Variants in SHC4 observed in about 807,000 individuals in gnomAD.
The protein encoded by SHC4 is SHC-transforming protein 4.
Under a neutral mutation model 69.4 loss-of-function variants are expected in SHC4, and 41 were observed. The ratio of observed to expected loss-of-function variants is 0.59; its 90% CI spans 0.46 to 0.77. The LOEUF is 0.77. Among genes scored for constraint, SHC4 ranks in the 30% least tolerant of loss-of-function variants. The pLI, the probability that SHC4 is intolerant of heterozygous loss-of-function variation, is 0.00. For missense variants in SHC4, 777 were observed against 783.8 expected (o/e 0.99, Z 0.10); for synonymous variants, 318 against 299.3 (o/e 1.06, Z -0.64).
At chr15:48,897,517 C>A (rs547520378) in intron 2 of SHC4, among the ~76,000 whole-genome samples, 1 of 151,300 alleles carries the variant, frequency 6.6e-6, no homozygotes, top group South Asian at 2.1e-4. Context: ...GCCACACACA[C>A]ACACACACAC....
chr15:48,919,794 C>G (rs1900708997), intron 2 of SHC4, among the ~76,000 whole-genome samples: 1 of 152,134 alleles, frequency 6.6e-6, no homozygotes, highest in Non-Finnish European at 1.5e-5. Flanking sequence ...GACCATCACA[C>G]TCGAGCTTCC....
At position 48,888,602 on chromosome 15, in the gene SHC4, G is replaced by A. The variant is rs142511042; in HGVS notation, c.720+2146C>T. Among the ~76,000 whole-genome samples the A allele has an allele frequency of 1.6e-3, 249 of 152,212 alleles. 1 individual carries two copies. Among genetic ancestry groups the A allele is most frequent in the African/African-American group, 5.7e-3 (235 of 41,530 alleles). On this transcript the variant is annotated intron_variant, in intron 3 of 11. Coordinates refer to ENST00000332408, the MANE Select transcript of SHC4 (RefSeq NM_203349.4). ...CCACTGAACTGTACACTTAAAAAGGGTTAAGATGAGGCTGGGAGTGGTAGC... is the reference window on the plus strand; with the variant it reads ...CCACTGAACTGTACACTTAAAAAGGATTAAGATGAGGCTGGGAGTGGTAGC...
At chr15:48,886,118 G>A (rs774556440) in intron 3 of SHC4, among the ~76,000 whole-genome samples, 19 of 151,436 alleles carry the variant, frequency 1.3e-4, no homozygotes, top group Non-Finnish European at 2.2e-4. Context: ...TTAGCCAGGC[G>A]TGGTGGCGCA....
At chr15:48,868,664 A>G (rs767775862) in intron 5 of SHC4, among the ~76,000 whole-genome samples, 2 of 152,220 alleles carry the variant, frequency 1.3e-5, no homozygotes, top group African/African-American at 4.8e-5. Context: ...ATGACTCTCT[A>G]GAGGGAAGAT....
At position 48,825,970 on chromosome 15, in the gene SHC4, G is replaced by A; in HGVS notation, c.*1C>T. ...ATCAGTGTGATGGTGCTTCAATACT[G>A]TCATTTGTTGGAATGCAAAAGTGCT... is the stretch of plus-strand genomic sequence containing the variant. On this transcript the variant is annotated 3_prime_UTR_variant, in exon 12 of 12. Transcript: ENST00000332408. 1.2e-6 allele frequency: 2 copies of A among 1,612,824 alleles called. No homozygotes were observed. Among genetic ancestry groups the A allele is most frequent in the Non-Finnish European group, 1.7e-6 (2 of 1,179,590 alleles).
intron 6 of SHC4, among the ~76,000 whole-genome samples, chr15:48,864,436 C>CTTTTTT (rs35549079): frequency 4.4e-4 from 24 of 55,008 alleles, no homozygotes; most frequent in African/African-American, 9.9e-4. Flanking sequence ...ATACCACTTT[C>CTTTTTT]TTTTTTTTTT....
chr15:48,925,508 A>C (rs1900838278), intron 1 of SHC4, among the ~76,000 whole-genome samples: 2 of 152,268 alleles, frequency 1.3e-5, no homozygotes, highest in Non-Finnish European at 1.5e-5. Context: ...ATATAAATGC[A>C]TAGAATACCA....
Position 48,963,140 on chromosome 15 carries a change from G to T in SHC4, c.-125C>A. 9.9e-7 allele frequency: 1 copy of T among 1,012,736 alleles called. No homozygotes were observed. The highest frequency in any genetic ancestry group is 1.4e-6 in the Non-Finnish European group (1 of 704,844). 62.7% of individuals were successfully genotyped at this position (1,012,736 alleles called of 1,614,324 possible). ...TCACAGCAGCCACCTCTCCAACTCT[G>T]CTCTCGAGCTCGCCCACCTCGGCTC... On this transcript the variant is annotated 5_prime_UTR_variant, in exon 1 of 12. Coordinates refer to ENST00000332408, the MANE Select transcript of SHC4 (RefSeq NM_203349.4).
chr15:48,896,222 C>T (rs1158388925), intron 2 of SHC4, among the ~76,000 whole-genome samples: 1 of 151,002 alleles, frequency 6.6e-6, no homozygotes, highest in East Asian at 1.9e-4. Flanking sequence ...CTTTCTCTCT[C>T]TCTCCCTCCC....
intron 10 of SHC4, among the ~76,000 whole-genome samples, chr15:48,836,831 T>C (rs111351363): frequency 8.5e-4 from 129 of 152,344 alleles, no homozygotes; most frequent in African/African-American, 3.0e-3. Flanking sequence ...ATAATGAGTA[T>C]TCACAAACAG....
At chr15:48,836,964 T>C (rs760086330) in intron 10 of SHC4, among the ~76,000 whole-genome samples, 7 of 152,232 alleles carry the variant, frequency 4.6e-5, no homozygotes, top group Non-Finnish European at 1.0e-4. Context: ...TGAATAATAC[T>C]TGTAACTGGC....
chr15:48,916,316 C>T (rs946885041), intron 2 of SHC4, among the ~76,000 whole-genome samples: 1 of 137,928 alleles, frequency 7.3e-6, no homozygotes. Flanking sequence ...CACACACACA[C>T]ACCCAGAAGT....
intron 1 of SHC4, among the ~76,000 whole-genome samples, chr15:48,934,000 T>C (rs1041761904): frequency 6.6e-6 from 1 of 152,080 alleles, no homozygotes; most frequent in African/African-American, 2.4e-5. Context: ...AAAACAGTCA[T>C]AATCACAGGA....
At chr15:48,856,570 T>TG (rs1696904089) in intron 7 of SHC4, among the ~76,000 whole-genome samples, 2 of 149,656 alleles carry the variant, frequency 1.3e-5, no homozygotes, top group African/African-American at 4.9e-5. Flanking sequence ...TAAACCAAAA[T>TG]GAAAAAAAAA....
At chr15:48,857,885 G>T in intron 6 of SHC4, 70 bp from the exon 7 acceptor site, 2 of 1,295,310 alleles carry the variant, frequency 1.5e-6, no homozygotes, top group Non-Finnish European at 2.0e-6. Flanking sequence ...TAAAATCAGA[G>T]TACTTCAAAA....
At chr15:48,828,379 A>T (rs1204773609) in intron 11 of SHC4, among the ~76,000 whole-genome samples, 2 of 152,100 alleles carry the variant, frequency 1.3e-5, no homozygotes, top group Admixed American at 6.6e-5. Context: ...TATGGATATT[A>T]TCATATTTCC....
intron 4 of SHC4, among the ~76,000 whole-genome samples, chr15:48,882,911 T>C (rs1329816750): frequency 2.6e-5 from 4 of 152,230 alleles, no homozygotes; most frequent in Non-Finnish European, 5.9e-5. Flanking sequence ...CAAAATGTTA[T>C]GCTCTCATGA....
chr15:48,931,633 C>T (rs1007848242), intron 1 of SHC4, among the ~76,000 whole-genome samples: 1 of 152,044 alleles, frequency 6.6e-6, no homozygotes, highest in Non-Finnish European at 1.5e-5. Flanking sequence ...CATTTACTAT[C>T]CAAGTTTAGG....
intron 6 of SHC4, among the ~76,000 whole-genome samples, chr15:48,862,027 T>C (rs532992326): frequency 2.8e-4 from 42 of 152,232 alleles, no homozygotes; most frequent in African/African-American, 9.4e-4. Flanking sequence ...TGCTATGGGA[T>C]CAAAGCAGGG....
Sources: allele counts gnomAD v4.1 joint callset (sites outside exome capture counted in the v4.1 genomes callset), GRCh38; gene constraint gnomAD v4.1.1; transcripts MANE v1.5; gene names NCBI Gene and HGNC (gene_info 2026-07-23, HGNC 2026-07-21).